LEF1: variants seen among roughly 807,000 people sequenced by gnomAD.
LEF1 encodes lymphoid enhancer-binding factor 1.
In LEF1, 14 loss-of-function variants were observed where a neutral mutation model predicts 51.2. That is an observed-to-expected ratio of 0.27 (90% CI 0.18 to 0.43). LEF1 has a LOEUF of 0.43. LEF1 is among the 20% of genes least tolerant of loss of function. The probability of loss-of-function intolerance (pLI) is 1.00; values close to 1 mark genes in which losing one functional copy is unlikely to be tolerated. For missense variants in LEF1, 386 were observed against 512.0 expected (o/e 0.75, Z 2.37); for synonymous variants, 185 against 183.2 (o/e 1.01, Z -0.08).
At chr4:108,114,180 C>T (rs1394427662) in intron 3 of LEF1, among the ~76,000 whole-genome samples, 1 of 152,094 alleles carries the variant, frequency 6.6e-6, no homozygotes. Context: ...TTTAGGCAAA[C>T]AAACATAAAG....
intron 4 of LEF1, among the ~76,000 whole-genome samples, chr4:108,086,355 T>A (rs916410612): frequency 1.3e-5 from 2 of 152,200 alleles, no homozygotes; most frequent in African/African-American, 4.8e-5. Flanking sequence ...CCTGAGTAGC[T>A]GGGATTACAG....
chr4:108,081,079 C>G (rs1205298775), intron 6 of LEF1, among the ~76,000 whole-genome samples: 1 of 152,106 alleles, frequency 6.6e-6, no homozygotes, highest in African/African-American at 2.4e-5. Context: ...GGCCTGCCAG[C>G]CTGTCCGCAC....
intron 3 of LEF1, among the ~76,000 whole-genome samples, chr4:108,122,706 G>A (rs1049521654): frequency 2.0e-5 from 3 of 151,952 alleles, no homozygotes; most frequent in South Asian, 2.1e-4. Flanking sequence ...GGCTGGTCTC[G>A]AAATCCTGGA....
At chr4:108,165,067 A>C in intron 2 of LEF1, 30 bp downstream of exon 2, 2 of 1,604,724 alleles carry the variant, frequency 1.2e-6, no homozygotes, top group Non-Finnish European at 1.7e-6. Context: ...TTATCTGCTA[A>C]AGTCAGAAGA....
chr4:108,123,968 C>T (rs529680120), intron 3 of LEF1, among the ~76,000 whole-genome samples: 225 of 152,002 alleles, frequency 1.5e-3, no homozygotes, highest in African/African-American at 5.1e-3. Flanking sequence ...ATAGAGAAAC[C>T]CCCATCTCTA....
intron 3 of LEF1, among the ~76,000 whole-genome samples, chr4:108,112,095 A>G (rs1741569760): frequency 6.6e-6 from 1 of 152,166 alleles, no homozygotes; most frequent in South Asian, 2.1e-4. Context: ...GGCAAAAAAC[A>G]GTGGTAATGA....
chr4:108,077,697 T>C (rs1738983807), intron 8 of LEF1, among the ~76,000 whole-genome samples: 1 of 148,284 alleles, frequency 6.7e-6, no homozygotes, highest in African/African-American at 2.6e-5. Flanking sequence ...TGCCGCCCCA[T>C]CTGGGAAGTG....
At chr4:108,087,079 T>A (rs2110262504) in intron 4 of LEF1, among the ~76,000 whole-genome samples, 1 of 152,250 alleles carries the variant, frequency 6.6e-6, no homozygotes, top group East Asian at 1.9e-4. Flanking sequence ...CTGGCCTCAG[T>A]ACCATCATGC....
At chr4:108,109,056 A>G (rs1368818562) in intron 3 of LEF1, among the ~76,000 whole-genome samples, 1 of 152,228 alleles carries the variant, frequency 6.6e-6, no homozygotes, top group Admixed American at 6.5e-5. Context: ...TGTAGTTTTG[A>G]TAACAAAGGA....
intron 11 of LEF1, among the ~76,000 whole-genome samples, chr4:108,060,544 C>T (rs943471254): frequency 7.9e-5 from 12 of 152,196 alleles, no homozygotes; most frequent in Admixed American, 7.2e-4. Flanking sequence ...CTTTCCATAA[C>T]GTGACGCTCT....
chr4:108,104,570 A>T (rs76287088), intron 3 of LEF1: 16,158 of 313,386 alleles, frequency 0.052, 498 homozygotes, highest in Non-Finnish European at 0.063. Context: ...AATTCCAGCA[A>T]GCTAAAATTG....
At chr4:108,073,315 G>C (rs1467307568) in intron 8 of LEF1, among the ~76,000 whole-genome samples, 1 of 152,126 alleles carries the variant, frequency 6.6e-6, no homozygotes, top group African/African-American at 2.4e-5. Flanking sequence ...AACCCAGGAG[G>C]TGGAGGTTGC....
At chr4:108,104,476 A>T (rs1453265407) in intron 3 of LEF1, among the ~76,000 whole-genome samples, 3 of 147,634 alleles carry the variant, frequency 2.0e-5, no homozygotes, top group African/African-American at 2.5e-5. Context: ...ATATATATAA[A>T]ATATATATAT....
intron 5 of LEF1, 110 bp from the exon 6 acceptor site, chr4:108,081,779 A>C: frequency 2.6e-6 from 2 of 763,782 alleles, no homozygotes; most frequent in Non-Finnish European, 2.3e-6. Flanking sequence ...AATCTTGTGG[A>C]AGTATTACAG....
chr4:108,162,388 TCAA>T (rs1745117907), intron 3 of LEF1, among the ~76,000 whole-genome samples: 1 of 152,208 alleles, frequency 6.6e-6, no homozygotes. Context: ...AAGTATCATT[TCAA>T]CAACTGAAGA....
At chr4:108,116,187 G>A (rs750895629) in intron 3 of LEF1, among the ~76,000 whole-genome samples, 1 of 152,130 alleles carries the variant, frequency 6.6e-6, no homozygotes, top group Non-Finnish European at 1.5e-5. Flanking sequence ...GGGGACATGA[G>A]CTGGACTCAG....
chr4:108,091,129 T>C (rs181135202), intron 3 of LEF1, among the ~76,000 whole-genome samples: 69 of 152,284 alleles, frequency 4.5e-4, no homozygotes, highest in Non-Finnish European at 8.1e-4. Flanking sequence ...ATCAGTTTTC[T>C]CCTGAAGCAA....
intron 3 of LEF1, among the ~76,000 whole-genome samples, chr4:108,109,315 G>A (rs1741376285): frequency 6.6e-6 from 1 of 152,188 alleles, no homozygotes; most frequent in Non-Finnish European, 1.5e-5. Flanking sequence ...ACTTGCTGGA[G>A]GCTGTAATCA....
At chr4:108,141,420 G>A (rs989025552) in intron 3 of LEF1, among the ~76,000 whole-genome samples, 1 of 152,006 alleles carries the variant, frequency 6.6e-6, no homozygotes, top group African/African-American at 2.4e-5. Context: ...AATTGTCATC[G>A]AGATGTGGCA....
Sources: allele counts gnomAD v4.1 joint callset (sites outside exome capture counted in the v4.1 genomes callset), GRCh38; gene constraint gnomAD v4.1.1; transcripts MANE v1.5; gene names NCBI Gene and HGNC (gene_info 2026-07-23, HGNC 2026-07-21).